Variants in HERPUD2 observed in about 807,000 individuals in gnomAD.
The protein encoded by HERPUD2 is HERPUD family member 2, also known as homocysteine-responsive endoplasmic reticulum-resident ubiquitin-like domain member 2 protein.
Under a neutral mutation model 49.9 loss-of-function variants are expected in HERPUD2, and 13 were observed. The ratio of observed to expected loss-of-function variants is 0.26; its 90% CI spans 0.17 to 0.41. The LOEUF (loss-of-function observed/expected upper bound fraction) is 0.41, where lower values mean the gene tolerates loss of function less well. Ranked by LOEUF, HERPUD2 falls within the 10% of genes least tolerant of loss-of-function variation. HERPUD2 has a pLI of 1.00. For missense variants in HERPUD2, 449 were observed against 492.2 expected (o/e 0.91, Z 0.83); for synonymous variants, 172 against 171.4 (o/e 1.00, Z -0.03).
rs1263025679 is a variant in HERPUD2, at chr7:35,633,625, T to C, written c.*65A>G. 22 of 1,439,544 alleles carry C rather than the reference T, an allele frequency of 1.5e-5. No individual in the cohort carries two copies. Among genetic ancestry groups the C allele is most frequent in the Non-Finnish European group, 2.0e-5 (21 of 1,059,774 alleles). 89.2% of individuals were successfully genotyped at this position (1,439,544 alleles called of 1,614,324 possible). ...AGAAAGTTATAAATTTTTTTGAAATTGCACTGTTATTTAAACCACTTTCCT... is the reference window on the plus strand; with the variant it reads ...AGAAAGTTATAAATTTTTTTGAAATCGCACTGTTATTTAAACCACTTTCCT... On this transcript the variant is annotated 3_prime_UTR_variant, in exon 9 of 9. Coordinates refer to ENST00000311350, the MANE Select transcript of HERPUD2 (RefSeq NM_022373.5).
intron 5 of HERPUD2, among the ~76,000 whole-genome samples, chr7:35,640,052 C>G (rs1784943066): frequency 6.6e-6 from 1 of 152,114 alleles, no homozygotes; most frequent in Admixed American, 6.5e-5. Context: ...AACCTCAACC[C>G]AGTTATTCCT....
intron 5 of HERPUD2, among the ~76,000 whole-genome samples, chr7:35,663,305 G>C (rs1294514533): frequency 1.3e-5 from 2 of 152,172 alleles, no homozygotes; most frequent in African/African-American, 4.8e-5. Context: ...ATTTGCTGAG[G>C]AGTGCTTTAC....
intron 5 of HERPUD2, among the ~76,000 whole-genome samples, chr7:35,663,212 T>G (rs1785465588): frequency 6.6e-6 from 1 of 152,240 alleles, no homozygotes; most frequent in Non-Finnish European, 1.5e-5. Flanking sequence ...AGCTTTAGTT[T>G]GATTGCACTG....
intron 2 of HERPUD2, among the ~76,000 whole-genome samples, chr7:35,676,348 C>T (rs1785761980): frequency 6.6e-6 from 1 of 152,116 alleles, no homozygotes; most frequent in South Asian, 2.1e-4. Flanking sequence ...ATTCCAATTC[C>T]TTTTTGTATG....
At chr7:35,649,243 T>C (rs1446708397) in intron 5 of HERPUD2, among the ~76,000 whole-genome samples, 5 of 147,688 alleles carry the variant, frequency 3.4e-5, no homozygotes, top group Admixed American at 1.4e-4. Context: ...AGAGCGAGAC[T>C]CCATCTCTGA....
At chr7:35,661,281 G>C (rs552357593) in intron 5 of HERPUD2, among the ~76,000 whole-genome samples, 12 of 152,176 alleles carry the variant, frequency 7.9e-5, no homozygotes, top group South Asian at 2.1e-4. Flanking sequence ...GGTTACTGTA[G>C]CCTTGTAGTA....
At chr7:35,687,839 A>T (rs1232490534) in intron 2 of HERPUD2, among the ~76,000 whole-genome samples, 1 of 152,230 alleles carries the variant, frequency 6.6e-6, no homozygotes, top group Non-Finnish European at 1.5e-5. Flanking sequence ...TTATATTTCA[A>T]GAAAGTCACC....
chr7:35,652,365 G>A (rs907364748), intron 5 of HERPUD2, among the ~76,000 whole-genome samples: 6 of 152,006 alleles, frequency 3.9e-5, no homozygotes, highest in Non-Finnish European at 7.4e-5. Flanking sequence ...CTGACACCTC[G>A]CCCAACAATC....
chr7:35,668,144 G>A (rs1032539302), intron 4 of HERPUD2, among the ~76,000 whole-genome samples: 1 of 152,078 alleles, frequency 6.6e-6, no homozygotes, highest in Non-Finnish European at 1.5e-5. Flanking sequence ...AACCTTAAAG[G>A]TTCACTTAAC....
intron 3 of HERPUD2, among the ~76,000 whole-genome samples, chr7:35,672,391 C>T (rs1341920592): frequency 6.6e-6 from 1 of 151,764 alleles, no homozygotes; most frequent in East Asian, 1.9e-4. Flanking sequence ...AGCAAGAAGT[C>T]ACATTGGCAA....
chr7:35,682,341 GTGTGTGTGTGTGTGTGTATATATATA>G (rs1785923212), intron 2 of HERPUD2, among the ~76,000 whole-genome samples: 1 of 24,950 alleles, frequency 4.0e-5, no homozygotes, highest in Non-Finnish European at 9.0e-5. Flanking sequence ...GTGTGTGTGT[GTGTGTGTGTGTGTGTGTATATATATA>G]TATATATATA....
In HERPUD2 at chr7:35,633,586, A is replaced by T; in HGVS notation, c.*104T>A. ...GCCTAAAGAAAAAAAACACCTCTGTACATGATGATCAAAAGAAAGTTATAA... is the reference window on the plus strand; with the variant it reads ...GCCTAAAGAAAAAAAACACCTCTGTTCATGATGATCAAAAGAAAGTTATAA... On this transcript the variant is annotated 3_prime_UTR_variant, in exon 9 of 9. Transcript: ENST00000311350. The T allele has an allele frequency of 2.0e-6, 2 of 1,006,928 alleles. No homozygotes were observed. Among genetic ancestry groups the T allele is most frequent in the Non-Finnish European group, 2.9e-6 (2 of 682,468 alleles). 62.4% of individuals were successfully genotyped at this position (1,006,928 alleles called of 1,614,324 possible). A position where few individuals can be genotyped will look rare whatever the true frequency, so the allele number is the denominator to read the frequency against.
chr7:35,634,298 C>T lies in HERPUD2; in HGVS notation c.1059+14G>A. 1 of 1,521,134 alleles carries T rather than the reference C, an allele frequency of 6.6e-7. No individual in the cohort carries two copies. The highest frequency in any genetic ancestry group is 1.1e-5 in the South Asian group (1 of 89,192). 94.2% of individuals were successfully genotyped at this position (1,521,134 alleles called of 1,614,324 possible). On this transcript the variant is annotated intron_variant, in intron 8 of 8. Transcript: ENST00000311350. ...TCTCAGTATCTTAAGTATACAAAAG[C>T]TTCAATCACATACCATTTCTTCAAG...
chr7:35,666,583 T>C (rs1401702554), intron 5 of HERPUD2, among the ~76,000 whole-genome samples: 1 of 152,214 alleles, frequency 6.6e-6, no homozygotes, highest in African/African-American at 2.4e-5. Context: ...ACAGAAATTA[T>C]CACTATCTGT....
chr7:35,673,636 T>C (rs1401550655), intron 2 of HERPUD2, among the ~76,000 whole-genome samples: 1 of 152,146 alleles, frequency 6.6e-6, no homozygotes, highest in Non-Finnish European at 1.5e-5. Flanking sequence ...GAGAAAGTGG[T>C]TGGCCTTATA....
intron 6 of HERPUD2, among the ~76,000 whole-genome samples, chr7:35,635,934 T>C (rs1040387610): frequency 6.6e-6 from 1 of 152,228 alleles, no homozygotes; most frequent in Non-Finnish European, 1.5e-5. Context: ...AAATGATTTG[T>C]ATTAGTATCC....
intron 5 of HERPUD2, among the ~76,000 whole-genome samples, chr7:35,654,624 CAAAG>C (rs1785235198): frequency 7.4e-6 from 1 of 136,006 alleles, no homozygotes; most frequent in South Asian, 2.3e-4. Flanking sequence ...AATCTCCCAA[CAAAG>C]AAAAGTCCAG....
intron 5 of HERPUD2, among the ~76,000 whole-genome samples, chr7:35,666,318 C>T (rs1335697039): frequency 6.6e-6 from 1 of 152,224 alleles, no homozygotes; most frequent in Non-Finnish European, 1.5e-5. Flanking sequence ...AAATCTGAGA[C>T]AAATTAGTTC....
chr7:35,664,314 C>T (rs1266624414), intron 5 of HERPUD2, among the ~76,000 whole-genome samples: 2 of 152,148 alleles, frequency 1.3e-5, no homozygotes, highest in East Asian at 3.9e-4. Context: ...TCTCTGGCTG[C>T]CCTTAACATT....
Sources: gnomAD v4.1 joint callset for allele counts (sites outside exome capture counted in the v4.1 genomes callset) on GRCh38, gnomAD v4.1.1 for gene constraint, MANE v1.5 for transcripts, NCBI Gene and HGNC (gene_info 2026-07-23, HGNC 2026-07-21) for gene names.